FAM228B: variants seen among roughly 807,000 people sequenced by gnomAD.
FAM228B encodes the protein family with sequence similarity 228 member B.
In FAM228B, 38 loss-of-function variants were observed where a neutral mutation model predicts 42.6. That is an observed-to-expected ratio of 0.89 (90% CI 0.69 to 1.17). FAM228B has a LOEUF of 1.17. Among genes scored for constraint, FAM228B ranks in the 50% most tolerant of loss-of-function variants. The pLI is 0.00. For missense variants in FAM228B, 344 were observed against 367.3 expected, an observed-to-expected ratio of 0.94 and a Z score of 0.52; for synonymous variants, 109 against 122.3, an observed-to-expected ratio of 0.89 and a Z score of 0.72.
At chr2:24,110,706 A>T (rs1031430512) in intron 3 of FAM228B, among the ~76,000 whole-genome samples, 2 of 152,182 alleles carry the variant, frequency 1.3e-5, no homozygotes, top group Non-Finnish European at 2.9e-5. Flanking sequence ...TCGTAAGTGC[A>T]GTGTAGCCTT....
At chr2:24,159,247 G>A (rs1667233438) in intron 7 of FAM228B, among the ~76,000 whole-genome samples, 1 of 152,166 alleles carries the variant, frequency 6.6e-6, no homozygotes, top group African/African-American at 2.4e-5. Context: ...TTTTTTGGGT[G>A]CACGTAATTC....
intron 2 of FAM228B, among the ~76,000 whole-genome samples, chr2:24,130,010 G>A (rs1666418538): frequency 6.6e-6 from 1 of 151,932 alleles, no homozygotes; most frequent in African/African-American, 2.4e-5. Context: ...CCCCTCCCTG[G>A]GTCCATGTGT....
chr2:24,168,065 G>T (rs1435872368), intron 10 of FAM228B: 2 of 206,982 alleles, frequency 9.7e-6, no homozygotes, highest in Non-Finnish European at 2.0e-5. Flanking sequence ...CACCTAAAGA[G>T]ATACTGAGAC....
intron 4 of FAM228B, among the ~76,000 whole-genome samples, chr2:24,138,381 ACT>A (rs1666658444): frequency 1.3e-5 from 2 of 152,006 alleles, no homozygotes; most frequent in Admixed American, 1.3e-4. Context: ...TGTCACCCAG[ACT>A]GGAGTGCAAT....
At chr2:24,127,306 C>T (rs1161894014) in intron 2 of FAM228B, among the ~76,000 whole-genome samples, 1 of 152,182 alleles carries the variant, frequency 6.6e-6, no homozygotes, top group Non-Finnish European at 1.5e-5. Context: ...AATAATATTC[C>T]ATTGTCTCAG....
intron 2 of FAM228B, among the ~76,000 whole-genome samples, chr2:24,092,924 GCA>G (rs3030954): frequency 0.14 from 18,202 of 133,328 alleles, 2,377 homozygotes; most frequent in African/African-American, 0.35. Context: ...ATGATTTTAT[GCA>G]CACACACACA....
intron 2 of FAM228B, chr2:24,081,007 A>T (rs2150984525): frequency 6.2e-7 from 1 of 1,614,124 alleles, no homozygotes; most frequent in South Asian, 1.1e-5. Flanking sequence ...ATGGATTAGC[A>T]CATAGTCTCC....
At chr2:24,125,597 A>G (rs917974494) in intron 2 of FAM228B, among the ~76,000 whole-genome samples, 16 of 148,058 alleles carry the variant, frequency 1.1e-4, no homozygotes, top group Admixed American at 8.9e-4. Flanking sequence ...CTTTCGCTCT[A>G]TCACTCAGCC....
In FAM228B at chr2:24,077,561, G is replaced by C; in HGVS notation, c.-290+592G>C. 1 of 1,609,976 alleles carries C rather than the reference G, an allele frequency of 6.2e-7. No homozygotes were observed. The highest frequency in any genetic ancestry group is 8.5e-7 in the Non-Finnish European group (1 of 1,177,816). On this transcript the variant is annotated intron_variant, in intron 1 of 10. Transcript: ENST00000613899. The surrounding 1 kb of genome is among the most constrained non-coding windows in gnomAD (Gnocchi z 5.5). ...GAAAGGCCTGGGGTGGCCGCGTCCT[G>C]TCCTGCCCCATCCTCCTTCACTGGG...
chr2:24,093,397 C>T (rs1018030051), intron 2 of FAM228B, among the ~76,000 whole-genome samples: 4 of 151,810 alleles, frequency 2.6e-5, no homozygotes, highest in African/African-American at 4.8e-5. Flanking sequence ...TGAGAACATG[C>T]GCTATTTGGT....
intron 3 of FAM228B, among the ~76,000 whole-genome samples, chr2:24,108,832 C>T (rs1453629787): frequency 4.1e-5 from 6 of 147,842 alleles, no homozygotes; most frequent in South Asian, 2.1e-4. Flanking sequence ...ACCTGGGAGG[C>T]GGAGCTTGCA....
At chr2:24,149,782 A>G (rs978889741) in intron 7 of FAM228B, among the ~76,000 whole-genome samples, 1 of 152,186 alleles carries the variant, frequency 6.6e-6, no homozygotes, top group Non-Finnish European at 1.5e-5. Flanking sequence ...ATCTAATGCC[A>G]TAGTATTGGT....
At chr2:24,103,809 G>A (rs1021759320) in intron 3 of FAM228B, among the ~76,000 whole-genome samples, 5 of 152,214 alleles carry the variant, frequency 3.3e-5, no homozygotes. Context: ...ACAGAACTGA[G>A]TTCTCAAATC....
At chr2:24,147,737 A>C (rs1038455028) in intron 7 of FAM228B, among the ~76,000 whole-genome samples, 2 of 152,150 alleles carry the variant, frequency 1.3e-5, no homozygotes, top group Non-Finnish European at 2.9e-5. Flanking sequence ...ATTTTTAGAT[A>C]GTTTTTATTT....
At chr2:24,129,796 ATTTTCT>A (rs1350996166) in intron 2 of FAM228B, among the ~76,000 whole-genome samples, 9 of 151,852 alleles carry the variant, frequency 5.9e-5, no homozygotes, top group Non-Finnish European at 4.4e-5. Flanking sequence ...TGTCAATATA[ATTTTCT>A]TTTTATTTTT....
In FAM228B at chr2:24,077,346, T is replaced by C. The variant is rs946643573; in HGVS notation, c.-290+377T>C. ...AGGGGCCCTCAGGTTGAGCGTCAGC[T>C]GATCGGGCCTCAGTAATCCCCGCTG... On this transcript the variant is annotated intron_variant, in intron 1 of 10. Transcript: ENST00000613899. The surrounding 1 kb of genome is among the most constrained non-coding windows in gnomAD (Gnocchi z 5.5). 2.4e-6 allele frequency: 1 copy of C among 416,124 alleles called. No homozygotes were observed. Among genetic ancestry groups the C allele is most frequent in the African/African-American group, 2.0e-5 (1 of 50,718 alleles). The allele number at this position is 416,124 out of a possible 1,614,324, so 25.8% of individuals were successfully genotyped here. A position where few individuals can be genotyped will look rare whatever the true frequency, so the allele number is the denominator to read the frequency against.
intron 1 of FAM228B, chr2:24,079,341 C>T: frequency 7.8e-7 from 1 of 1,289,022 alleles, no homozygotes; most frequent in South Asian, 1.5e-5. Context: ...TTCATAGAAA[C>T]TAACCTCCGT....
At chr2:24,124,064 T>C (rs985064096) in intron 1 of FAM228B, 4 of 241,592 alleles carry the variant, frequency 1.7e-5, no homozygotes, top group African/African-American at 2.2e-5. Flanking sequence ...GCTGCCACAC[T>C]GGCTGGAATG....
At chr2:24,122,395 A>T, upstream of FAM228B, 1 of 1,459,482 alleles carries the variant, frequency 6.9e-7, no homozygotes, top group Non-Finnish European at 9.6e-7. Flanking sequence ...ATCAAGTCTT[A>T]GGTCCAAACT....
Sources: allele counts gnomAD v4.1 joint callset (sites outside exome capture counted in the v4.1 genomes callset), GRCh38; gene constraint gnomAD v4.1.1; non-coding constraint Gnocchi (gnomAD v3.1); transcripts MANE v1.5; gene names NCBI Gene and HGNC (gene_info 2026-07-23, HGNC 2026-07-21).